The following RBM26 variants were observed in gnomAD, a reference collection of about 807,000 sequenced individuals.
RBM26 encodes the protein RNA binding motif protein 26.
A neutral mutation model predicts 123.6 loss-of-function variants in RBM26; 30 were observed. The ratio of observed to expected loss-of-function variants is 0.24; its 90% CI spans 0.18 to 0.33. RBM26 has a LOEUF of 0.33. Ranked by LOEUF, RBM26 falls within the 10% of genes least tolerant of loss-of-function variation. The pLI is 1.00. For synonymous variants in RBM26, 400 were observed against 404.4 expected, an observed-to-expected ratio of 0.99 and a Z score of 0.13; for missense variants, 947 against 1,203.6, an observed-to-expected ratio of 0.79 and a Z score of 3.15.
chr13:79,338,437 A>G (rs1276727837), intron 18 of RBM26, among the ~76,000 whole-genome samples: 1 of 152,108 alleles, frequency 6.6e-6, no homozygotes, highest in Non-Finnish European at 1.5e-5. Context: ...TCAAAGGAGG[A>G]GCAAAGAAAA....
exon 5 of RBM26, chr13:79,312,436 C>CTG (rs1380976903): frequency 1.3e-5 from 2 of 151,970 alleles, no homozygotes; most frequent in Non-Finnish European, 2.9e-5. Flanking sequence ...AAAATCGACA[C>CTG]ATCAATGCAA....
At position 79,405,724 on chromosome 13, in the gene RBM26, G is replaced by C. The variant is rs776273395; in HGVS notation, c.51C>G (p.Leu17=). 6.3e-7 allele frequency: 1 copy of C among 1,599,754 alleles called. No homozygotes were observed. Among genetic ancestry groups the C allele is most frequent in the Non-Finnish European group, 8.5e-7 (1 of 1,172,468 alleles). ...IENFEALKSW[L]SKTLEPICDA... is the part of the protein sequence containing the mutation. ...CTCACATGGGCTCGAGAGTCTTGCT[G>C]AGCCAGGACTTGAGTGCCTCGAAGT... The change falls in exon 1 of 22, where the codon CTC becomes CTG. Residue 17 remains leucine, a synonymous_variant. Coordinates refer to ENST00000438737, the MANE Select transcript of RBM26 (RefSeq NM_001366735.2).
rs150222397 is a variant in RBM26 at position 79,344,513 on chromosome 13, A to G, written c.2184+156T>C. ...CAGGAACCTTTCTTTCAAAGAAAAA[A>G]TTTTTATTTACCGCTATACTATGGA... On this transcript the variant is annotated intron_variant, in intron 15 of 21. Transcript: ENST00000438737. 4.0e-3 allele frequency among the ~76,000 whole-genome samples: 610 copies of G among 152,224 alleles called. 17 individuals are homozygous for G. Among genetic ancestry groups the G allele is most frequent in the Admixed American group, 0.032 (490 of 15,262 alleles).
chr13:79,336,529 C>A (rs2070437687), intron 19 of RBM26, among the ~76,000 whole-genome samples: 1 of 152,130 alleles, frequency 6.6e-6, no homozygotes, highest in African/African-American at 2.4e-5. Context: ...TCATTTTGAA[C>A]ATGAGCCTAA....
chr13:79,328,693 A>G, intron 20 of RBM26, among the ~76,000 whole-genome samples: 1 of 148,436 alleles, frequency 6.7e-6, no homozygotes, highest in Admixed American at 6.7e-5. Flanking sequence ...TAAAAAAAAA[A>G]AAAAAAAAAA....
chr13:79,357,638 C>T (rs1376331442), intron 11 of RBM26, among the ~76,000 whole-genome samples: 1 of 151,994 alleles, frequency 6.6e-6, no homozygotes, highest in Non-Finnish European at 1.5e-5. Context: ...TAAGTGCATC[C>T]CACCATAGGA....
chr13:79,392,425 T>C (rs2078170012), intron 1 of RBM26, among the ~76,000 whole-genome samples: 1 of 145,996 alleles, frequency 6.8e-6, no homozygotes, highest in African/African-American at 2.5e-5. Context: ...CTCTGGAGCA[T>C]TATATATTAT....
At chr13:79,376,716 A>C (rs2076694733) in intron 3 of RBM26, 2 of 152,208 alleles carry the variant, frequency 1.3e-5, no homozygotes, top group South Asian at 4.1e-4. Flanking sequence ...CAAACAGACC[A>C]ATTGTCAACC....
chr13:79,344,833 C>T (rs1566378795), intron 14 of RBM26, 39 bp from the exon 15 acceptor site: 6 of 1,595,728 alleles, frequency 3.8e-6, no homozygotes, highest in Middle Eastern at 1.7e-4. Flanking sequence ...TATATATCAG[C>T]CGTTCATGAT....
intron 20 of RBM26, among the ~76,000 whole-genome samples, chr13:79,331,785 A>G (rs770186873): frequency 1.3e-5 from 2 of 152,224 alleles, no homozygotes; most frequent in Non-Finnish European, 2.9e-5. Context: ...TGCAGAAAAG[A>G]TAATATTCAA....
intron 11 of RBM26, among the ~76,000 whole-genome samples, chr13:79,356,771 T>C (rs2074071440): frequency 1.3e-5 from 2 of 152,198 alleles, no homozygotes; most frequent in South Asian, 2.1e-4. Flanking sequence ...TACACAGACA[T>C]GGCAAAAGAA....
intron 20 of RBM26, among the ~76,000 whole-genome samples, chr13:79,332,099 TG>T (rs2069524791): frequency 6.6e-6 from 1 of 152,168 alleles, no homozygotes; most frequent in Non-Finnish European, 1.5e-5. Context: ...ATGCATCTAT[TG>T]ATTATAGAAA....
chr13:79,404,981 G>C (rs2079397531), intron 1 of RBM26, among the ~76,000 whole-genome samples: 1 of 152,084 alleles, frequency 6.6e-6, no homozygotes, highest in Non-Finnish European at 1.5e-5. Flanking sequence ...TAAGCACTTT[G>C]GTCCATGTCA....
At position 79,365,545 on chromosome 13, in the gene RBM26, A is replaced by G. The variant is rs777395418; in HGVS notation, c.1417+33T>C. 8 of 1,566,946 alleles carry G rather than the reference A, an allele frequency of 5.1e-6. No homozygotes were observed. In the South Asian group the frequency reaches 6.8e-5, roughly 13 times the overall value. Reference sequence around the variant, plus strand: ...ATGTTTTCCCACTGTTTATATTATGAAAATGACAGGAAGGAAAGATTAATT... The same window carrying G: ...ATGTTTTCCCACTGTTTATATTATGGAAATGACAGGAAGGAAAGATTAATT... On this transcript the variant is annotated intron_variant, in intron 9 of 21. Transcript: ENST00000438737.
rs551613581 is a variant in RBM26 at position 79,320,580 on chromosome 13, C to A, written c.*41G>T. ...TACATTAGATAATACTAATGAAACA[C>A]AGGTAGAGTTCTAGCATATGCAGAT... On this transcript the variant is annotated 3_prime_UTR_variant, in exon 22 of 22. Transcript: ENST00000438737. 1.3e-6 allele frequency: 2 copies of A among 1,502,274 alleles called. No individual in the cohort carries two copies. Among genetic ancestry groups the A allele is most frequent in the East Asian group, 2.4e-5 (1 of 42,206 alleles). The allele number at this position is 1,502,274 out of a possible 1,614,324, so 93.1% of individuals were successfully genotyped here.
chr13:79,368,780 T>C lies in RBM26; in HGVS notation c.845A>G (p.Asn282Ser), dbSNP rs779086812. ...TGGCATGGGTGGTCTTACGTAAGAG[T>C]TATGGTCCACTTGGTCTTCATGAAA... ...SEFHEDQVDH[N>S]SYVRPPMPKK... The change falls in exon 6 of 22, where the codon AAC becomes AGC. Residue 282 changes from asparagine (N) to serine (S), a missense_variant. Asn to Ser is a conservative substitution (Grantham distance 46). Transcript: ENST00000438737. 1 of 1,613,926 alleles carries C rather than the reference T, an allele frequency of 6.2e-7. No individual in the cohort carries two copies. Among genetic ancestry groups the C allele is most frequent in the South Asian group, 1.1e-5 (1 of 91,068 alleles).
At chr13:79,367,179 G>A (rs1278443522) in intron 6 of RBM26, among the ~76,000 whole-genome samples, 3 of 151,924 alleles carry the variant, frequency 2.0e-5, no homozygotes, top group African/African-American at 7.2e-5. Context: ...GGCTGAGGCA[G>A]GTGGATCACC....
rs1165936413 is a variant in RBM26, at chr13:79,320,506, C to T, written c.*115G>A. 13 of 1,262,276 alleles carry T rather than the reference C, an allele frequency of 1.0e-5. No individual in the cohort carries two copies. The highest frequency in any genetic ancestry group is 1.3e-5 in the Non-Finnish European group (13 of 997,032). 78.2% of individuals were successfully genotyped at this position (1,262,276 alleles called of 1,614,324 possible). ...CTTCTTTTTTGTCTATTTGTGAAAT[C>T]CATCTTCATCACATTTTACCAAAAA... On this transcript the variant is annotated 3_prime_UTR_variant, in exon 22 of 22. Transcript: ENST00000438737.
intron 1 of RBM26, among the ~76,000 whole-genome samples, chr13:79,394,235 C>A (rs1224694261): frequency 1.3e-5 from 2 of 152,196 alleles, no homozygotes; most frequent in Non-Finnish European, 2.9e-5. Flanking sequence ...CCATTCCAGC[C>A]CCATGGCTGA....
Sources: gnomAD v4.1 joint callset for allele counts (sites outside exome capture counted in the v4.1 genomes callset) on GRCh38, gnomAD v4.1.1 for gene constraint, MANE v1.5 for transcripts, NCBI Gene and HGNC (gene_info 2026-07-23, HGNC 2026-07-21) for gene names.